NFATC2: variants seen among roughly 807,000 people sequenced by gnomAD.
NFATC2 encodes the protein nuclear factor of activated T cells 2, also known as nuclear factor of activated T-cells, cytoplasmic 2.
A neutral mutation model predicts 87.3 loss-of-function variants in NFATC2; 22 were observed. The observed-to-expected ratio is 0.25, with a 90% CI of 0.18 to 0.36. The LOEUF (loss-of-function observed/expected upper bound fraction) is 0.36. Ranked by LOEUF, NFATC2 falls within the 10% of genes least tolerant of loss-of-function variation. The pLI is 1.00. For missense variants in NFATC2, 1,149 were observed against 1,259.1 expected (o/e 0.91, Z 1.32); for synonymous variants, 565 against 542.2 (o/e 1.04, Z -0.58).
intron 9 of NFATC2, among the ~76,000 whole-genome samples, chr20:51,410,209 CAAAA>C (rs386393961): frequency 1.9e-5 from 2 of 103,144 alleles, no homozygotes; most frequent in African/African-American, 4.1e-5. Context: ...GACTCTGTCT[CAAAA>C]AAAAAAAAAA....
At chr20:51,429,786 T>C (rs1207381290) in intron 9 of NFATC2, among the ~76,000 whole-genome samples, 1 of 152,194 alleles carries the variant, frequency 6.6e-6, no homozygotes, top group Non-Finnish European at 1.5e-5. Flanking sequence ...TTTAAAGCCA[T>C]GGAACCCTCC....
intron 10 of NFATC2, among the ~76,000 whole-genome samples, chr20:51,395,433 G>A (rs545008796): frequency 6.7e-6 from 1 of 150,106 alleles, no homozygotes; most frequent in South Asian, 2.1e-4. Context: ...GGCAGACTCT[G>A]CTTAGCCAGC....
At chr20:51,492,805 C>T (rs2075917918) in intron 3 of NFATC2, among the ~76,000 whole-genome samples, 1 of 152,212 alleles carries the variant, frequency 6.6e-6, no homozygotes, top group Non-Finnish European at 1.5e-5. Flanking sequence ...AGCCCCTTAT[C>T]GCAGTTTTCC....
chr20:51,539,686 A>T (rs1331536736), intron 1 of NFATC2, among the ~76,000 whole-genome samples: 1 of 152,052 alleles, frequency 6.6e-6, no homozygotes, highest in Admixed American at 6.6e-5. Flanking sequence ...TTTATTAGAG[A>T]TGAGGTCTTG....
In NFATC2 at chr20:51,419,768, C is replaced by T. The variant is rs78252756; in HGVS notation, c.2722+12299G>A. ...AAGGAGTATCTCAGCAGCTGGCATT[C>T]GAGAGGGATTTCATGATTTCCCCTT... On this transcript the variant is annotated intron_variant, in intron 9 of 10. Coordinates refer to ENST00000371564, the MANE Select transcript of NFATC2 (RefSeq NM_012340.5). Among the ~76,000 whole-genome samples, 1,565 of 152,240 alleles carry T rather than the reference C, an allele frequency of 0.01. 59 individuals carry two copies. In the East Asian group the frequency reaches 0.12, roughly 12 times the overall value.
intron 10 of NFATC2, among the ~76,000 whole-genome samples, chr20:51,395,417 G>A (rs936867763): frequency 1.8e-4 from 27 of 149,536 alleles, no homozygotes; most frequent in African/African-American, 5.4e-4. Flanking sequence ...GTCAGGGGAC[G>A]GCTATGGCAG....
chr20:51,403,543 C>T (rs1043191737), intron 9 of NFATC2, among the ~76,000 whole-genome samples: 10 of 152,168 alleles, frequency 6.6e-5, no homozygotes, highest in African/African-American at 2.2e-4. Flanking sequence ...AGCCAAATTC[C>T]TATATTGAAG....
intron 5 of NFATC2, among the ~76,000 whole-genome samples, chr20:51,463,581 C>A (rs1987370001): frequency 6.6e-6 from 1 of 152,162 alleles, no homozygotes; most frequent in Non-Finnish European, 1.5e-5. Flanking sequence ...ACCTGATGAG[C>A]TCTGGATCAC....
At chr20:51,557,701 C>T (rs73910710) in intron 1 of NFATC2, among the ~76,000 whole-genome samples, 3,824 of 152,204 alleles carry the variant, frequency 0.025, 118 homozygotes, top group African/African-American at 0.074. Context: ...TCAGCTTGTC[C>T]GAATGCTGTG....
At chr20:51,408,995 T>C (rs1978794330) in intron 9 of NFATC2, among the ~76,000 whole-genome samples, 1 of 152,202 alleles carries the variant, frequency 6.6e-6, no homozygotes, top group South Asian at 2.1e-4. Flanking sequence ...AGAAAAGAAA[T>C]TTAACTACAT....
rs781127657 is a variant in NFATC2, at chr20:51,480,402, A to C, written c.1333-4742T>G. Among the ~76,000 whole-genome samples the C allele has an allele frequency of 6.6e-6, 1 of 152,194 alleles. No individual in the cohort carries two copies. Among genetic ancestry groups the C allele is most frequent in the Admixed American group, 6.5e-5 (1 of 15,278 alleles). The stretch of plus-strand genomic sequence containing the variant: ...GAGAGAAACAAACAGCAACCTAAAC[A>C]AACAAAAACGGTAGTTCCTTGAGAG... On this transcript the variant is annotated intron_variant, in intron 3 of 10. Transcript: ENST00000371564. The surrounding 1 kb of genome is among the most constrained non-coding windows in gnomAD (Gnocchi z 4.2).
chr20:51,414,656 T>A (rs1304856623), intron 9 of NFATC2, among the ~76,000 whole-genome samples: 8 of 151,194 alleles, frequency 5.3e-5, no homozygotes, highest in African/African-American at 2.0e-4. Context: ...GCCACTGCAC[T>A]CCAGCCTGGG....
At chr20:51,424,319 C>G (rs1981431038) in intron 9 of NFATC2, among the ~76,000 whole-genome samples, 1 of 152,156 alleles carries the variant, frequency 6.6e-6, no homozygotes, top group African/African-American at 2.4e-5. Context: ...CAAGAGTCAG[C>G]CTCCTGGCTC....
intron 3 of NFATC2, among the ~76,000 whole-genome samples, chr20:51,506,410 G>T (rs2076180448): frequency 6.6e-6 from 1 of 152,132 alleles, no homozygotes; most frequent in Non-Finnish European, 1.5e-5. Flanking sequence ...GGTTCAGAAT[G>T]AATGACTTTG....
At position 51,492,505 on chromosome 20, in the gene NFATC2, C is replaced by T. The variant is rs570620820; in HGVS notation, c.1333-16845G>A. Among the ~76,000 whole-genome samples, 14 of 152,376 alleles carry T rather than the reference C, an allele frequency of 9.2e-5. No homozygotes were observed. In the South Asian group the frequency reaches 2.7e-3, roughly 29 times the overall value. On this transcript the variant is annotated intron_variant, in intron 3 of 10. Transcript: ENST00000371564. ...AAACCCCGCCCAGCCTCATTTAATG[C>T]GAACCAAACACAAAAGCCACAGGGG...
At chr20:51,512,717 G>A (rs1239302449) in intron 3 of NFATC2, among the ~76,000 whole-genome samples, 1 of 152,098 alleles carries the variant, frequency 6.6e-6, no homozygotes, top group Non-Finnish European at 1.5e-5. Flanking sequence ...AAACCACTAG[G>A]CATGAAAAAA....
At chr20:51,414,556 G>A (rs914099622) in intron 9 of NFATC2, among the ~76,000 whole-genome samples, 5 of 152,146 alleles carry the variant, frequency 3.3e-5, no homozygotes, top group African/African-American at 4.8e-5. Context: ...AGGTGTGGTG[G>A]CACACACCTA....
chr20:51,521,401 A>G (rs2076442730), intron 2 of NFATC2, among the ~76,000 whole-genome samples: 1 of 152,008 alleles, frequency 6.6e-6, no homozygotes, highest in Non-Finnish European at 1.5e-5. Context: ...GCTCACTGCA[A>G]CCTCCGCCTC....
rs1198825766 is a variant in NFATC2 at position 51,398,565 on chromosome 20, TTACTTA to T, written c.*44+72_*44+77del. On this transcript the variant is annotated intron_variant, in intron 10 of 10. Coordinates refer to ENST00000371564, the MANE Select transcript of NFATC2 (RefSeq NM_012340.5). The stretch of plus-strand genomic sequence containing the variant: ...TCAGCCTGTCAAGTTTTCTTATACT[TTACTTA>T]AAAAAAAAAAAATTCAAGTTAAGGA... The T allele has an allele frequency of 1.1e-4, 98 of 912,188 alleles. No homozygotes were observed. The East Asian group carries it at 2.3e-3, about 21-fold the overall frequency. The allele number at this position is 912,188 out of a possible 1,614,324, so 56.5% of individuals were successfully genotyped here. A position where few individuals can be genotyped will look rare whatever the true frequency, so the allele number is the denominator to read the frequency against.
Sources: allele counts gnomAD v4.1 joint callset (sites outside exome capture counted in the v4.1 genomes callset), GRCh38; gene constraint gnomAD v4.1.1; non-coding constraint Gnocchi (gnomAD v3.1); transcripts MANE v1.5; gene names NCBI Gene and HGNC (gene_info 2026-07-23, HGNC 2026-07-21).